The following CKMT2 variants were observed in gnomAD, a reference collection of about 807,000 sequenced individuals.
CKMT2 encodes the protein creatine kinase, mitochondrial 2.
CKMT2 carries 43 observed loss-of-function variants against 48.9 expected under a neutral mutation model. The ratio of observed to expected loss-of-function variants is 0.88; its 90% confidence interval spans 0.69 to 1.13. The LOEUF (loss-of-function observed/expected upper bound fraction) is 1.13. CKMT2 is among the 50% of genes most tolerant of loss of function. CKMT2 has a pLI of 0.00. For missense variants in CKMT2, 472 were observed against 555.4 expected (o/e 0.85, Z 1.51); for synonymous variants, 206 against 213.0 (o/e 0.97, Z 0.29).
chr5:81,251,330 C>T (rs1756807609), intron 2 of CKMT2, 46 bp downstream of exon 2: 3 of 1,596,282 alleles, frequency 1.9e-6, no homozygotes, highest in Non-Finnish European at 2.6e-6. Flanking sequence ...GGCACGGTGG[C>T]TCATGCATGT....
At chr5:81,244,447 G>A (rs1561278360) in intron 1 of CKMT2, among the ~76,000 whole-genome samples, 4 of 152,178 alleles carry the variant, frequency 2.6e-5, no homozygotes, top group African/African-American at 9.7e-5. Flanking sequence ...GATGTCATCT[G>A]CCAGGGATTT....
Position 81,233,383 on chromosome 5 carries a change from T to A in CKMT2, c.-21+6T>A, listed in dbSNP as rs1756164178. 3 of 985,760 alleles carry A rather than the reference T, an allele frequency of 3.0e-6. No homozygotes were observed. Among genetic ancestry groups the A allele is most frequent in the Non-Finnish European group, 2.4e-6 (2 of 830,198 alleles). The allele number at this position is 985,760 out of a possible 1,614,324, so 61.1% of individuals were successfully genotyped here. A position where few individuals can be genotyped will look rare whatever the true frequency, so the allele number is the denominator to read the frequency against. On this transcript the variant is annotated splice_donor_region_variant and intron_variant, in intron 1 of 9. Transcript: ENST00000254035. ...TGGGAGGCTCCGGCTTCAAGGTCGGTGAGTCCGTGAAACTCTGCTTTATTC... is the reference window on the plus strand; with the variant it reads ...TGGGAGGCTCCGGCTTCAAGGTCGGAGAGTCCGTGAAACTCTGCTTTATTC...
chr5:81,239,781 C>T (rs762895269), intron 1 of CKMT2, among the ~76,000 whole-genome samples: 1 of 151,874 alleles, frequency 6.6e-6, no homozygotes, highest in African/African-American at 2.4e-5. Flanking sequence ...TTCTAGTTGC[C>T]CAGCAGAGGG....
intron 7 of CKMT2, among the ~76,000 whole-genome samples, chr5:81,258,173 T>C (rs1757082100): frequency 6.6e-6 from 1 of 152,218 alleles, no homozygotes; most frequent in Non-Finnish European, 1.5e-5. Context: ...GTGCTGGGAT[T>C]ACAGGCATGA....
chr5:81,259,723 G>C (rs917021296), intron 8 of CKMT2, among the ~76,000 whole-genome samples: 19 of 152,108 alleles, frequency 1.2e-4, no homozygotes, highest in Non-Finnish European at 2.4e-4. Context: ...CGCTGTCTTA[G>C]AGCACTCTTC....
intron 6 of CKMT2, among the ~76,000 whole-genome samples, chr5:81,257,502 AT>A (rs1242960014): frequency 6.6e-6 from 1 of 152,236 alleles, no homozygotes; most frequent in African/African-American, 2.4e-5. Context: ...AATTAATTAT[AT>A]TCTTGTTTGG....
rs1473863065 is a variant in CKMT2, at chr5:81,238,363, A to G, written c.-21+4986A>G. 2.0e-5 allele frequency: 3 copies of G among 152,086 alleles called. No homozygotes were observed. The East Asian group carries it at 5.8e-4, about 29-fold the overall frequency. 9.4% of individuals were successfully genotyped at this position (152,086 alleles called of 1,614,324 possible). ...AATAAAAAAACAAAAACAAAAAAAA[A>G]CCAGGCATATAAAATGCCAGCTCAA... On this transcript the variant is annotated intron_variant, in intron 1 of 9. Coordinates refer to ENST00000254035, the MANE Select transcript of CKMT2 (RefSeq NM_001099735.2).
chr5:81,253,722 A>G (rs1166254889), intron 3 of CKMT2, among the ~76,000 whole-genome samples: 2 of 152,192 alleles, frequency 1.3e-5, no homozygotes, highest in Non-Finnish European at 2.9e-5. Flanking sequence ...TCTAGACTCA[A>G]AGTCCTCCCC....
intron 1 of CKMT2, among the ~76,000 whole-genome samples, chr5:81,249,812 T>G (rs574449366): frequency 1.4e-4 from 22 of 152,336 alleles, no homozygotes; most frequent in African/African-American, 5.1e-4. Flanking sequence ...AGTTATTGCT[T>G]CTAAAAATAT....
intron 9 of CKMT2, among the ~76,000 whole-genome samples, chr5:81,264,933 T>C (rs904784476): frequency 1.3e-5 from 2 of 152,184 alleles, no homozygotes; most frequent in African/African-American, 4.8e-5. Flanking sequence ...TTTTTTCCAA[T>C]GCATTATATC....
chr5:81,252,710 C>G lies in CKMT2; in HGVS notation c.168C>G (p.Asp56Glu). Residue 56 changes from aspartate to glutamate, a missense_variant, in exon 3 of 10, where the codon GAC (aspartate) becomes GAG (glutamate). Physicochemically the swap from Asp to Glu is conservative, Grantham distance 45 (BLOSUM62 2). Transcript: ENST00000254035. ...RLFPPSADYP[D>E]LRKHNNCMAE... is the part of the protein sequence containing the mutation. ...CCCCACACAGCGCAGACTACCCAGACCTGCGCAAGCACAACAACTGCATGG... is the reference window on the plus strand; with the variant it reads ...CCCCACACAGCGCAGACTACCCAGAGCTGCGCAAGCACAACAACTGCATGG... 1 of 1,614,204 alleles carries G rather than the reference C, an allele frequency of 6.2e-7. No homozygotes were observed. The highest frequency in any genetic ancestry group is 8.5e-7 in the Non-Finnish European group (1 of 1,180,044).
At chr5:81,255,565 G>T (rs1756976477) in intron 5 of CKMT2, among the ~76,000 whole-genome samples, 1 of 152,288 alleles carries the variant, frequency 6.6e-6, no homozygotes, top group East Asian at 1.9e-4. Context: ...CCAGAAGATG[G>T]TTTCCATTAT....
chr5:81,263,340 T>G (rs1011497699), intron 8 of CKMT2, 151 bp from the exon 9 acceptor site: 1 of 208,556 alleles, frequency 4.8e-6, no homozygotes, highest in African/African-American at 2.4e-5. Context: ...ATATATTCAA[T>G]ATATATATCT....
intron 6 of CKMT2, 27 bp from the exon 7 acceptor site, chr5:81,257,702 ACACT>A: frequency 6.3e-7 from 1 of 1,590,364 alleles, no homozygotes; most frequent in Non-Finnish European, 8.6e-7. Context: ...AATGCAATTA[ACACT>A]CAGTACCATA....
chr5:81,240,093 A>G (rs1481727580), intron 1 of CKMT2, among the ~76,000 whole-genome samples: 1 of 151,358 alleles, frequency 6.6e-6, no homozygotes, highest in Non-Finnish European at 1.5e-5. Context: ...TACCTGAAAC[A>G]TATCAGTGTC....
chr5:81,257,085 G>A lies in CKMT2; in HGVS notation c.755+85G>A. ...GCTTATCCTAACCTGGAGTTGCTGT[G>A]TACTGCAGTTGACAGCATGCCCAGA... On this transcript the variant is annotated intron_variant, in intron 6 of 9. Coordinates refer to ENST00000254035, the MANE Select transcript of CKMT2 (RefSeq NM_001099735.2). The A allele has an allele frequency of 3.7e-6, 4 of 1,079,780 alleles. No homozygotes were observed. In the South Asian group the frequency reaches 5.6e-5, roughly 15 times the overall value. The allele number at this position is 1,079,780 out of a possible 1,614,324, so 66.9% of individuals were successfully genotyped here.
intron 1 of CKMT2, among the ~76,000 whole-genome samples, chr5:81,247,391 T>C (rs1756647469): frequency 6.6e-6 from 1 of 152,234 alleles, no homozygotes; most frequent in Non-Finnish European, 1.5e-5. Flanking sequence ...TTCCCAGCTT[T>C]ACTTATGCCA....
intron 1 of CKMT2, among the ~76,000 whole-genome samples, chr5:81,249,503 T>A (rs1157952101): frequency 2.0e-5 from 3 of 152,238 alleles, no homozygotes; most frequent in African/African-American, 7.2e-5. Context: ...GTGGGGCTAA[T>A]TGGCCCTTCT....
At chr5:81,234,021 T>TAAAA (rs536455571) in intron 1 of CKMT2, among the ~76,000 whole-genome samples, 70 of 91,884 alleles carry the variant, frequency 7.6e-4, no homozygotes, top group African/African-American at 2.8e-3. Context: ...GGAGGTTAAT[T>TAAAA]AAAAAAAAAA....
Sources: gnomAD v4.1 joint callset for allele counts (sites outside exome capture counted in the v4.1 genomes callset) on GRCh38, gnomAD v4.1.1 for gene constraint, MANE v1.5 for transcripts, NCBI Gene and HGNC (gene_info 2026-07-23, HGNC 2026-07-21) for gene names.